The following XKR4 variants were observed in gnomAD, a reference collection of about 807,000 sequenced individuals.
The protein encoded by XKR4 is XK related 4.
In XKR4, 12 loss-of-function variants were observed where a neutral mutation model predicts 53.9. That is an observed-to-expected ratio of 0.22 (90% CI 0.14 to 0.36). The LOEUF (loss-of-function observed/expected upper bound fraction) is 0.36. Ranked by LOEUF, XKR4 falls within the 10% of genes least tolerant of loss-of-function variation. The pLI is 1.00. For synonymous variants in XKR4, 354 were observed against 362.4 expected (o/e 0.98, Z 0.26); for missense variants, 799 against 859.5 (o/e 0.93, Z 0.88).
intron 1 of XKR4, among the ~76,000 whole-genome samples, chr8:55,255,755 G>A (rs1335682632): frequency 6.6e-6 from 1 of 152,132 alleles, no homozygotes; most frequent in African/African-American, 2.4e-5. Flanking sequence ...GGAGCTCTTT[G>A]TTTAAGTTTG....
chr8:55,434,225 T>G (rs1388043125), intron 2 of XKR4, among the ~76,000 whole-genome samples: 1 of 152,238 alleles, frequency 6.6e-6, no homozygotes, highest in East Asian at 1.9e-4. Flanking sequence ...ATATTTTCTC[T>G]CTGTTCTCTA....
At chr8:55,216,818 A>G (rs571640989) in intron 1 of XKR4, among the ~76,000 whole-genome samples, 5 of 152,084 alleles carry the variant, frequency 3.3e-5, no homozygotes, top group Admixed American at 2.6e-4. Context: ...AAAAAACTAT[A>G]AAGATAATGG....
intron 1 of XKR4, among the ~76,000 whole-genome samples, chr8:55,341,717 G>A (rs1036272121): frequency 6.6e-6 from 1 of 152,324 alleles, no homozygotes; most frequent in South Asian, 2.1e-4. Flanking sequence ...CCCATAGGTG[G>A]ACAACAGGCC....
intron 1 of XKR4, among the ~76,000 whole-genome samples, chr8:55,204,420 C>A (rs1817616624): frequency 6.6e-6 from 1 of 152,078 alleles, no homozygotes; most frequent in Non-Finnish European, 1.5e-5. Context: ...TGATAAAAAT[C>A]TTCACACATC....
At chr8:55,129,687 T>A (rs925103602) in intron 1 of XKR4, among the ~76,000 whole-genome samples, 1 of 152,020 alleles carries the variant, frequency 6.6e-6, no homozygotes, top group African/African-American at 2.4e-5. Context: ...GAGTCTTCAG[T>A]TTACTTTTTC....
At chr8:55,495,637 A>G (rs568013162) in intron 2 of XKR4, among the ~76,000 whole-genome samples, 1 of 152,270 alleles carries the variant, frequency 6.6e-6, no homozygotes, top group South Asian at 2.1e-4. Context: ...CCCTCCCCAC[A>G]GTGGCGGTGG....
At chr8:55,483,299 C>A (rs1328502565) in intron 2 of XKR4, among the ~76,000 whole-genome samples, 5 of 152,044 alleles carry the variant, frequency 3.3e-5, no homozygotes, top group Non-Finnish European at 4.4e-5. Context: ...TAGTATAGCC[C>A]TAAGGTAGCT....
intron 1 of XKR4, among the ~76,000 whole-genome samples, chr8:55,288,897 T>A (rs554823300): frequency 6.6e-6 from 1 of 152,350 alleles, no homozygotes; most frequent in African/African-American, 2.4e-5. Context: ...ATCAATGGAA[T>A]CATGTAGCAC....
At chr8:55,154,262 G>T (rs1354894014) in intron 1 of XKR4, among the ~76,000 whole-genome samples, 1 of 152,088 alleles carries the variant, frequency 6.6e-6, no homozygotes, top group Non-Finnish European at 1.5e-5. Flanking sequence ...AAAATGTTAT[G>T]CTATATATGA....
Position 55,523,585 on chromosome 8 carries a change from G to A in XKR4, c.1311G>A (p.Val437=). 1 of 1,614,180 alleles carries A rather than the reference G, an allele frequency of 6.2e-7. No individual in the cohort carries two copies. The highest frequency in any genetic ancestry group is 8.5e-7 in the Non-Finnish European group (1 of 1,180,032). The change falls in exon 3 of 3, where the codon GTG becomes GTA. Residue 437 remains valine, a synonymous_variant. Coordinates refer to ENST00000327381, the MANE Select transcript of XKR4 (RefSeq NM_052898.2). ...KWEEIVFDMV[V]GIIYIFSWFN... The stretch of plus-strand genomic sequence containing the variant: ...AAGAGATTGTGTTCGACATGGTGGT[G>A]GGGATTATCTATATCTTCAGTTGGT...
chr8:55,197,181 C>G (rs1363436076), intron 1 of XKR4, among the ~76,000 whole-genome samples: 1 of 152,136 alleles, frequency 6.6e-6, no homozygotes, highest in Non-Finnish European at 1.5e-5. Context: ...AAAGCTGTAA[C>G]AACTCTTGAT....
chr8:55,419,639 G>C (rs1288171849), intron 2 of XKR4, among the ~76,000 whole-genome samples: 1 of 152,142 alleles, frequency 6.6e-6, no homozygotes, highest in Non-Finnish European at 1.5e-5. Context: ...ATGATCTCCT[G>C]AGACCTAGTT....
At chr8:55,417,510 A>G (rs1284051672) in intron 2 of XKR4, among the ~76,000 whole-genome samples, 1 of 152,220 alleles carries the variant, frequency 6.6e-6, no homozygotes, top group East Asian at 1.9e-4. Flanking sequence ...ATATAGATTT[A>G]GAGGCCGGAG....
intron 2 of XKR4, among the ~76,000 whole-genome samples, chr8:55,428,464 A>G (rs1466572442): frequency 6.6e-6 from 1 of 152,178 alleles, no homozygotes; most frequent in Admixed American, 6.5e-5. Context: ...ACACCACAGA[A>G]AACACTTCCC....
At chr8:55,376,454 T>C (rs1659620966) in intron 2 of XKR4, among the ~76,000 whole-genome samples, 1 of 152,220 alleles carries the variant, frequency 6.6e-6, no homozygotes. Context: ...CATTGTGGTA[T>C]TGATTTGCCT....
chr8:55,219,454 G>A (rs889973087), intron 1 of XKR4, among the ~76,000 whole-genome samples: 3 of 152,264 alleles, frequency 2.0e-5, no homozygotes, highest in African/African-American at 4.8e-5. Context: ...GAAGTGAGTC[G>A]TACTGGTTTT....
chr8:55,329,085 A>G lies in XKR4; in HGVS notation c.807-28593A>G, dbSNP rs1386139873. Among the ~76,000 whole-genome samples the G allele has an allele frequency of 2.0e-5, 3 of 152,088 alleles. No homozygotes were observed. The East Asian group carries it at 5.8e-4, about 29-fold the overall frequency. On this transcript the variant is annotated intron_variant, in intron 1 of 2. Coordinates refer to ENST00000327381, the MANE Select transcript of XKR4 (RefSeq NM_052898.2). Reference sequence around the variant, plus strand: ...GAATATGCATTGAATCTTCATAACAATCCTGATTTAATAGTGTTGTGTTTT... The same window carrying G: ...GAATATGCATTGAATCTTCATAACAGTCCTGATTTAATAGTGTTGTGTTTT...
intron 1 of XKR4, among the ~76,000 whole-genome samples, chr8:55,171,122 A>C (rs369831648): frequency 6.6e-6 from 1 of 152,224 alleles, no homozygotes; most frequent in African/African-American, 2.4e-5. Flanking sequence ...AAATACTTAC[A>C]CATACACACT....
chr8:55,357,955 T>A, intron 2 of XKR4, 78 bp downstream of exon 2: 1 of 1,432,186 alleles, frequency 7.0e-7, no homozygotes, highest in Non-Finnish European at 9.5e-7. Flanking sequence ...GGAACTGTCC[T>A]AATGCCCTTT....
Sources: gnomAD v4.1 joint callset for allele counts (sites outside exome capture counted in the v4.1 genomes callset) on GRCh38, gnomAD v4.1.1 for gene constraint, MANE v1.5 for transcripts, NCBI Gene and HGNC (gene_info 2026-07-23, HGNC 2026-07-21) for gene names.